The following CKS2 variants were observed in gnomAD, a reference collection of about 807,000 sequenced individuals.
The protein encoded by CKS2 is cyclin-dependent kinases regulatory subunit 2.
A neutral mutation model predicts 14.3 loss-of-function variants in CKS2; 4 were observed. That is an observed-to-expected ratio of 0.28 (90% CI 0.14 to 0.64). The LOEUF is 0.64. CKS2 is among the 30% of genes least tolerant of loss of function. CKS2 has a pLI of 0.83. For synonymous variants in CKS2, 33 were observed against 28.7 expected, an observed-to-expected ratio of 1.15 and a Z score of -0.48; for missense variants, 71 against 94.3, an observed-to-expected ratio of 0.75 and a Z score of 1.02.
rs747794592 is a variant in CKS2 at position 89,311,247 on chromosome 9, C to G, written c.-46C>G. On this transcript the variant is annotated 5_prime_UTR_variant, in exon 1 of 3. Coordinates refer to ENST00000314355, the MANE Select transcript of CKS2 (RefSeq NM_001827.3). ...GCTGGACGTGGTTTTGTCTGCTGCG[C>G]CCGCTCTTCGCGCTCTCGTTTCATT... 15 of 1,563,916 alleles carry G rather than the reference C, an allele frequency of 9.6e-6. No homozygotes were observed. In the African/African-American group the frequency reaches 1.5e-4, roughly 16 times the overall value.
At chr9:89,316,352 C>G in intron 2 of CKS2, 21 bp from the exon 3 acceptor site, 1 of 1,499,276 alleles carries the variant, frequency 6.7e-7, no homozygotes, top group Non-Finnish European at 9.2e-7. Context: ...TAAAATGATT[C>G]AAAACATTTT....
intron 1 of CKS2, chr9:89,312,141 A>G (rs1824629175): frequency 6.5e-6 from 1 of 154,388 alleles, no homozygotes; most frequent in Middle Eastern, 6.3e-4. Context: ...ACACTGGCCA[A>G]ATTTTGGGCT....
At chr9:89,314,900 T>C (rs1020624075) in intron 1 of CKS2, among the ~76,000 whole-genome samples, 2 of 152,222 alleles carry the variant, frequency 1.3e-5, no homozygotes, top group South Asian at 4.1e-4. Flanking sequence ...TATGTTCAAC[T>C]TATATTTTGG....
chr9:89,316,644 C>T lies in CKS2; in HGVS notation c.*219C>T. On this transcript the variant is annotated 3_prime_UTR_variant, in exon 3 of 3. Coordinates refer to ENST00000314355, the MANE Select transcript of CKS2 (RefSeq NM_001827.3). ...TTCCAGTCAGTTTTTCTCTTAAGTG[C>T]CTGTTTGAGTTTACTGAAACAGTTT... is the stretch of plus-strand genomic sequence containing the variant. 1 of 403,126 alleles carries T rather than the reference C, an allele frequency of 2.5e-6. No individual in the cohort carries two copies. The highest frequency in any genetic ancestry group is 4.5e-6 in the Non-Finnish European group (1 of 224,608). 25.0% of individuals were successfully genotyped at this position (403,126 alleles called of 1,614,324 possible).
At position 89,313,287 on chromosome 9, in the gene CKS2, T is replaced by G. The variant is rs1587814952; in HGVS notation, c.60-1883T>G. The stretch of plus-strand genomic sequence containing the variant: ...ATCTCTATCTTTCTTTGATTTTTCT[T>G]AATTACAAACTTAATTTCCTAGTCC... On this transcript the variant is annotated intron_variant, in intron 1 of 2. Transcript: ENST00000314355. Among the ~76,000 whole-genome samples the G allele has an allele frequency of 3.3e-5, 5 of 152,322 alleles. 1 individual carries two copies. Among genetic ancestry groups the G allele is most frequent in the Admixed American group, 3.3e-4 (5 of 15,312 alleles).
chr9:89,314,336 G>A (rs1824670475), intron 1 of CKS2, among the ~76,000 whole-genome samples: 2 of 152,156 alleles, frequency 1.3e-5, no homozygotes, highest in Admixed American at 6.5e-5. Context: ...TGAGAATCTC[G>A]TAAGGCTACA....
intron 1 of CKS2, among the ~76,000 whole-genome samples, chr9:89,313,021 A>G (rs954184488): frequency 6.6e-6 from 1 of 152,240 alleles, no homozygotes; most frequent in Non-Finnish European, 1.5e-5. Flanking sequence ...AATGTATAGA[A>G]GAAAGTTTAC....
rs1250717232 is a variant in CKS2, at chr9:89,311,307, G to C, written c.15G>C (p.Gln5His). The change falls in exon 1 of 3, where the codon CAG (glutamine) becomes CAC (histidine). Residue 5 changes from glutamine to histidine, a missense_variant. By Grantham distance (24) the Gln-to-His change is conservative. Transcript: ENST00000314355. The part of the protein sequence containing the change: MAHK[Q>H]IYYSDKYFDE... ...GCGCCAGCAGGATGGCCCACAAGCA[G>C]ATCTACTACTCGGACAAGTACTTCG... 6.2e-7 allele frequency: 1 copy of C among 1,611,324 alleles called. No individual in the cohort carries two copies. The highest frequency in any genetic ancestry group is 8.5e-7 in the Non-Finnish European group (1 of 1,178,982).
chr9:89,311,310 C>A lies in CKS2; in HGVS notation c.18C>A (p.Ile6=), dbSNP rs1200342711. MAHKQ[I]YYSDKYFDEH... is the part of the protein sequence containing the mutation. ...CCAGCAGGATGGCCCACAAGCAGATCTACTACTCGGACAAGTACTTCGACG... is the reference window on the plus strand; with the variant it reads ...CCAGCAGGATGGCCCACAAGCAGATATACTACTCGGACAAGTACTTCGACG... The change falls in exon 1 of 3, where the codon ATC becomes ATA. Residue 6 remains isoleucine, a synonymous_variant. Coordinates refer to ENST00000314355, the MANE Select transcript of CKS2 (RefSeq NM_001827.3). 3.7e-6 allele frequency: 6 copies of A among 1,611,334 alleles called. No homozygotes were observed. Among genetic ancestry groups the A allele is most frequent in the Non-Finnish European group, 5.1e-6 (6 of 1,178,924 alleles).
intron 2 of CKS2, among the ~76,000 whole-genome samples, chr9:89,316,164 G>A (rs1223116960): frequency 2.0e-5 from 3 of 151,996 alleles, no homozygotes; most frequent in African/African-American, 7.2e-5. Flanking sequence ...ATTTGAAGGA[G>A]GTGTTTTTCC....
intron 1 of CKS2, among the ~76,000 whole-genome samples, chr9:89,311,794 C>T (rs1824614910): frequency 6.6e-6 from 1 of 152,134 alleles, no homozygotes; most frequent in African/African-American, 2.4e-5. Flanking sequence ...CGTCCTTTTT[C>T]CTTTAGCAAC....
chr9:89,313,605 G>T (rs1049095250), intron 1 of CKS2, among the ~76,000 whole-genome samples: 1 of 152,222 alleles, frequency 6.6e-6, no homozygotes, highest in Non-Finnish European at 1.5e-5. Context: ...CCTGATGGAG[G>T]AGAGCCTGTT....
At chr9:89,312,603 A>G (rs758407963) in intron 1 of CKS2, among the ~76,000 whole-genome samples, 1 of 152,180 alleles carries the variant, frequency 6.6e-6, no homozygotes, top group African/African-American at 2.4e-5. Flanking sequence ...GGACTACTGA[A>G]TATTTCTATG....
At chr9:89,311,450 C>CT (rs1824606039) in intron 1 of CKS2, 99 bp downstream of exon 1, 1 of 566,660 alleles carries the variant, frequency 1.8e-6, no homozygotes, top group Admixed American at 5.1e-5. Context: ...GGGCCGGGGC[C>CT]TGGGGGGCGG....
intron 1 of CKS2, 152 bp from the exon 2 acceptor site, chr9:89,315,018 C>A: frequency 3.9e-6 from 2 of 508,538 alleles, no homozygotes; most frequent in Non-Finnish European, 6.5e-6. Context: ...GCACTCTTAG[C>A]TCCCTAATTT....
chr9:89,311,278 C>T lies in CKS2; in HGVS notation c.-15C>T. On this transcript the variant is annotated 5_prime_UTR_variant, in exon 1 of 3. Transcript: ENST00000314355. ...CTTCGCGCTCTCGTTTCATTTTCTG[C>T]AGCGCGCCAGCAGGATGGCCCACAA... The T allele has an allele frequency of 6.2e-7, 1 of 1,608,894 alleles. No individual in the cohort carries two copies. Among genetic ancestry groups the T allele is most frequent in the East Asian group, 2.3e-5 (1 of 44,198 alleles).
intron 2 of CKS2, among the ~76,000 whole-genome samples, chr9:89,315,720 A>G (rs1824698334): frequency 6.6e-6 from 1 of 152,296 alleles, no homozygotes; most frequent in South Asian, 2.1e-4. Flanking sequence ...AGGTAATAGC[A>G]TATGAACTCA....
rs141029293 is a variant in CKS2, at chr9:89,313,911, A to G, written c.60-1259A>G. ...AGCTATGACTTGGTGGCCTTAAGGC[A>G]ATCTAACAACACAGTAGAATTTTTC... On this transcript the variant is annotated intron_variant, in intron 1 of 2. Coordinates refer to ENST00000314355, the MANE Select transcript of CKS2 (RefSeq NM_001827.3). Among the ~76,000 whole-genome samples, 148 of 152,368 alleles carry G rather than the reference A, an allele frequency of 9.7e-4. 2 individuals are homozygous for G. Among genetic ancestry groups the G allele is most frequent in the African/African-American group, 3.5e-3 (145 of 41,580 alleles).
At chr9:89,311,944 A>C (rs1485341159) in intron 1 of CKS2, among the ~76,000 whole-genome samples, 1 of 152,030 alleles carries the variant, frequency 6.6e-6, no homozygotes, top group Admixed American at 6.5e-5. Context: ...GTGGTATAAG[A>C]ATAAGCTTTG....
Sources: gnomAD v4.1 joint callset for allele counts (sites outside exome capture counted in the v4.1 genomes callset) on GRCh38, gnomAD v4.1.1 for gene constraint, MANE v1.5 for transcripts, NCBI Gene and HGNC (gene_info 2026-07-23, HGNC 2026-07-21) for gene names.